PCDHA7: variants seen among roughly 807,000 people sequenced by gnomAD.
The protein encoded by PCDHA7 is protocadherin alpha-7.
Under a neutral mutation model 57.2 loss-of-function variants are expected in PCDHA7, and 37 were observed. That is an observed-to-expected ratio of 0.65 (90% CI 0.50 to 0.85). The LOEUF is 0.85. Ranked by LOEUF, PCDHA7 falls within the 40% of genes least tolerant of loss-of-function variation. The probability of loss-of-function intolerance (pLI) is 0.00; values close to 1 mark genes in which losing one functional copy is unlikely to be tolerated. For synonymous variants in PCDHA7, 553 were observed against 558.8 expected, an observed-to-expected ratio of 0.99 and a Z score of 0.15; for missense variants, 1,188 against 1,241.8, an observed-to-expected ratio of 0.96 and a Z score of 0.65.
intron 2 of PCDHA7, among the ~76,000 whole-genome samples, chr5:140,980,255 C>T (rs782489996): frequency 2.0e-4 from 31 of 152,210 alleles, no homozygotes; most frequent in Middle Eastern, 3.2e-3. Flanking sequence ...TGGGTAAAAG[C>T]ATGGTTTACA....
chr5:140,998,393 C>A (rs1178528705), intron 3 of PCDHA7, among the ~76,000 whole-genome samples: 12 of 152,288 alleles, frequency 7.9e-5, no homozygotes, highest in African/African-American at 2.4e-4. Flanking sequence ...TTAATGCCAT[C>A]TTTATGCCAA....
At chr5:140,934,228 G>A (rs1238284158) in intron 1 of PCDHA7, among the ~76,000 whole-genome samples, 2 of 151,884 alleles carry the variant, frequency 1.3e-5, no homozygotes, top group African/African-American at 4.8e-5. Flanking sequence ...TAAAAGATTT[G>A]TACTTAATTG....
chr5:140,849,557 G>A (rs2150440607), intron 1 of PCDHA7: 1 of 1,598,482 alleles, frequency 6.3e-7, no homozygotes. Flanking sequence ...CTATCAAAAC[G>A]CTCTCGGTTC....
chr5:140,932,824 G>A (rs1484280278), intron 1 of PCDHA7, among the ~76,000 whole-genome samples: 4 of 151,902 alleles, frequency 2.6e-5, no homozygotes, highest in Admixed American at 6.6e-5. Context: ...AAGTGGGAAA[G>A]TATTGACAAT....
intron 1 of PCDHA7, among the ~76,000 whole-genome samples, chr5:140,890,853 C>T (rs1202284942): frequency 1.3e-5 from 2 of 152,058 alleles, no homozygotes; most frequent in Non-Finnish European, 2.9e-5. Flanking sequence ...GTTTCTCTTC[C>T]TTACTTCTTG....
intron 1 of PCDHA7, chr5:140,875,534 T>G (rs114654172): frequency 0.025 from 39,957 of 1,614,138 alleles, 601 homozygotes; most frequent in Non-Finnish European, 0.03. Flanking sequence ...CTTCTGCTCC[T>G]TGCAGCCTGG....
chr5:140,968,150 A>C, intron 1 of PCDHA7: 1 of 1,614,180 alleles, frequency 6.2e-7, no homozygotes. Context: ...GATCTCTGAC[A>C]TCAATGACAA....
intron 1 of PCDHA7, chr5:140,877,040 T>C (rs1252847205): frequency 5.0e-6 from 8 of 1,612,450 alleles, no homozygotes; most frequent in Non-Finnish European, 5.1e-6. Context: ...CTGCAGCCGC[T>C]AGACCACGAG....
At chr5:140,896,090 C>T (rs1312909051) in intron 1 of PCDHA7, among the ~76,000 whole-genome samples, 2 of 152,152 alleles carry the variant, frequency 1.3e-5, no homozygotes, top group African/African-American at 4.8e-5. Flanking sequence ...GGATTACAGG[C>T]GTGAGCCACT....
chr5:140,857,222 G>A (rs373834853), intron 1 of PCDHA7: 1 of 1,598,456 alleles, frequency 6.3e-7, no homozygotes, highest in Non-Finnish European at 8.6e-7. Flanking sequence ...GACGCCTCAC[G>A]TTCCGTTCAA....
chr5:140,914,755 T>G (rs1175753765), intron 1 of PCDHA7, among the ~76,000 whole-genome samples: 1 of 152,270 alleles, frequency 6.6e-6, no homozygotes, highest in East Asian at 1.9e-4. Flanking sequence ...CCATTTGAGG[T>G]TACATGAGGT....
At chr5:140,880,630 C>T (rs2058401400) in intron 1 of PCDHA7, among the ~76,000 whole-genome samples, 2 of 152,122 alleles carry the variant, frequency 1.3e-5, no homozygotes, top group Admixed American at 1.3e-4. Context: ...AGTTAATTAT[C>T]AATTCACTTG....
chr5:141,000,419 A>T (rs1394449061), intron 3 of PCDHA7, among the ~76,000 whole-genome samples: 972 of 60,664 alleles, frequency 0.016, 14 homozygotes, highest in African/African-American at 0.023. Flanking sequence ...ATATATATAT[A>T]TATTTTTTTT....
chr5:140,852,042 T>C, intron 1 of PCDHA7: 1 of 921,096 alleles, frequency 1.1e-6, no homozygotes, highest in African/African-American at 1.8e-5. Context: ...GAGTTTTTGT[T>C]ATGTGGTTTA....
chr5:140,983,754 A>T (rs2097065978), intron 3 of PCDHA7, among the ~76,000 whole-genome samples: 3 of 152,210 alleles, frequency 2.0e-5, no homozygotes. Flanking sequence ...AATCCATTCA[A>T]ATTCAAATAC....
chr5:140,973,554 C>T (rs897513375), intron 1 of PCDHA7, among the ~76,000 whole-genome samples: 3 of 152,316 alleles, frequency 2.0e-5, no homozygotes, highest in Admixed American at 6.5e-5. Flanking sequence ...TTTCAATTAC[C>T]TCTTTCCTCA....
chr5:140,986,947 C>T (rs983987541), intron 3 of PCDHA7, among the ~76,000 whole-genome samples: 1 of 152,160 alleles, frequency 6.6e-6, no homozygotes, highest in African/African-American at 2.4e-5. Context: ...GGTGTGGTCG[C>T]TCATGCCTGT....
intron 1 of PCDHA7, among the ~76,000 whole-genome samples, chr5:140,940,983 C>T (rs572659107): frequency 6.6e-6 from 1 of 152,176 alleles, no homozygotes; most frequent in Non-Finnish European, 1.5e-5. Context: ...TATCTAGTTA[C>T]AAGTTTATAG....
At chr5:140,901,952 C>T (rs1427349795) in intron 1 of PCDHA7, among the ~76,000 whole-genome samples, 6 of 151,888 alleles carry the variant, frequency 4.0e-5, no homozygotes, top group Non-Finnish European at 8.8e-5. Context: ...TAGTTTTATT[C>T]GTGGCTATCG....
Sources: allele counts gnomAD v4.1 joint callset (sites outside exome capture counted in the v4.1 genomes callset), GRCh38; gene constraint gnomAD v4.1.1; transcripts MANE v1.5; gene names NCBI Gene and HGNC (gene_info 2026-07-23, HGNC 2026-07-21).